NLGN1: variants seen among roughly 807,000 people sequenced by gnomAD.
The protein encoded by NLGN1 is neuroligin 1, also known as neuroligin-1.
A neutral mutation model predicts 65.5 loss-of-function variants in NLGN1; 12 were observed. The ratio of observed to expected loss-of-function variants is 0.18; its 90% CI spans 0.12 to 0.30. NLGN1 has a LOEUF of 0.30. Among genes scored for constraint, NLGN1 ranks in the 10% least tolerant of loss-of-function variants. The probability of loss-of-function intolerance (pLI) is 1.00; values close to 1 mark genes in which losing one functional copy is unlikely to be tolerated. For missense variants in NLGN1, 750 were observed against 1,007.1 expected, an observed-to-expected ratio of 0.74 and a Z score of 3.46; for synonymous variants, 350 against 359.5, an observed-to-expected ratio of 0.97 and a Z score of 0.30.
chr3:173,907,016 A>G (rs1274607111), intron 4 of NLGN1, among the ~76,000 whole-genome samples: 2 of 152,116 alleles, frequency 1.3e-5, no homozygotes, highest in East Asian at 1.9e-4. Context: ...GGGTTTGGGC[A>G]TTTTCCTGCA....
chr3:174,279,710 A>ATAAT lies in NLGN1; in HGVS notation c.1649+61_1649+64dup. ...AAAATGTTATTTTAACCATTTTAAA[A>ATAAT]TAATAGATATTTATGCCCAGATAAT... is the stretch of plus-strand genomic sequence containing the variant. On this transcript the variant is annotated intron_variant, in intron 6 of 6. Coordinates refer to ENST00000457714, the Ensembl canonical transcript of NLGN1. This position sits in a 1 kb window ranked among gnomAD's most constrained non-coding sequence, Gnocchi z 4.7. 9.9e-7 allele frequency: 1 copy of ATAAT among 1,011,620 alleles called. No individual in the cohort carries two copies. Among genetic ancestry groups the ATAAT allele is most frequent in the Admixed American group, 2.4e-5 (1 of 41,548 alleles). 62.7% of individuals were successfully genotyped at this position (1,011,620 alleles called of 1,614,324 possible). A position where few individuals can be genotyped will look rare whatever the true frequency, so the allele number is the denominator to read the frequency against.
rs1055222564 is a variant in NLGN1, at chr3:173,999,684, G to A, written c.646+191852G>A. Among the ~76,000 whole-genome samples, 8 of 152,218 alleles carry A rather than the reference G, an allele frequency of 5.3e-5. No individual in the cohort carries two copies. The East Asian group carries it at 1.5e-3, about 29-fold the overall frequency. ...TGCAGGAACAATTTGTAAGACAAAG[G>A]CATCAGTTTCCTTTCTAGTTATACC... On this transcript the variant is annotated intron_variant, in intron 4 of 6. Coordinates refer to ENST00000457714, the Ensembl canonical transcript of NLGN1.
intron 4 of NLGN1, among the ~76,000 whole-genome samples, chr3:173,970,212 T>C (rs1468518371): frequency 6.6e-6 from 1 of 152,168 alleles, no homozygotes; most frequent in African/African-American, 2.4e-5. Context: ...TCCTTGTTGC[T>C]AAAGACTAAC....
intron 4 of NLGN1, among the ~76,000 whole-genome samples, chr3:174,122,886 A>G (rs60817157): frequency 0.095 from 14,454 of 152,030 alleles, 720 homozygotes; most frequent in East Asian, 0.16. Flanking sequence ...TTTCAGCAGC[A>G]TGCTATTTGT....
chr3:174,068,762 C>G (rs1467466975), intron 4 of NLGN1, among the ~76,000 whole-genome samples: 1 of 152,086 alleles, frequency 6.6e-6, no homozygotes, highest in Non-Finnish European at 1.5e-5. Flanking sequence ...CAATAATCTT[C>G]TGCTTCATTT....
chr3:173,599,261 A>G (rs1750038403), intron 2 of NLGN1, among the ~76,000 whole-genome samples: 1 of 152,158 alleles, frequency 6.6e-6, no homozygotes, highest in Admixed American at 6.5e-5. Flanking sequence ...AAGGCGTCAA[A>G]CAGTTTATAT....
chr3:174,023,933 A>G (rs1490483254), intron 4 of NLGN1, among the ~76,000 whole-genome samples: 1 of 152,090 alleles, frequency 6.6e-6, no homozygotes, highest in Non-Finnish European at 1.5e-5. Flanking sequence ...TGTTCAGTGC[A>G]TCTCCCTACT....
intron 4 of NLGN1, among the ~76,000 whole-genome samples, chr3:174,009,580 C>G (rs1182507068): frequency 6.6e-6 from 1 of 152,150 alleles, no homozygotes; most frequent in Admixed American, 6.6e-5. Flanking sequence ...GAATCCTGGT[C>G]TCTTTGACTT....
intron 3 of NLGN1, among the ~76,000 whole-genome samples, chr3:173,685,092 C>T (rs192225769): frequency 3.3e-5 from 5 of 152,270 alleles, no homozygotes; most frequent in Admixed American, 6.5e-5. Flanking sequence ...CATTTAATGG[C>T]CTTTGTCTTT....
chr3:173,647,817 A>G (rs1408641501), intron 3 of NLGN1, among the ~76,000 whole-genome samples: 3 of 152,132 alleles, frequency 2.0e-5, no homozygotes, highest in South Asian at 4.1e-4. Context: ...AATATGAAAT[A>G]CATAGGGATG....
chr3:173,959,087 C>G (rs1356016731), intron 4 of NLGN1, among the ~76,000 whole-genome samples: 1 of 152,232 alleles, frequency 6.6e-6, no homozygotes, highest in Non-Finnish European at 1.5e-5. Flanking sequence ...GCAGAGATGC[C>G]TGGGTCTGCA....
intron 3 of NLGN1, among the ~76,000 whole-genome samples, chr3:173,611,068 TTAG>T (rs1355624097): frequency 6.6e-6 from 1 of 151,876 alleles, no homozygotes; most frequent in Non-Finnish European, 1.5e-5. Context: ...GGTAGAAAAA[TTAG>T]TATGTTGCTA....
chr3:173,939,966 A>G (rs1164447976), intron 4 of NLGN1, among the ~76,000 whole-genome samples: 1 of 152,050 alleles, frequency 6.6e-6, no homozygotes, highest in Non-Finnish European at 1.5e-5. Context: ...CACATTGTGT[A>G]TAATCCACTA....
chr3:173,454,521 A>C lies in NLGN1; in HGVS notation c.-321+19443A>C, dbSNP rs137905410. On this transcript the variant is annotated intron_variant, in intron 2 of 6. Coordinates refer to ENST00000457714, the Ensembl canonical transcript of NLGN1. ...TGATCTTAGCTAGATCTTCTGGATAAGTTGGTGGCAGCTTCTATGTCAGCA... is the reference window on the plus strand; with the variant it reads ...TGATCTTAGCTAGATCTTCTGGATACGTTGGTGGCAGCTTCTATGTCAGCA... Among the ~76,000 whole-genome samples, 537 of 152,312 alleles carry C rather than the reference A, an allele frequency of 3.5e-3. 2 individuals carry two copies. Among genetic ancestry groups the C allele is most frequent in the African/African-American group, 0.011 (478 of 41,572 alleles).
At chr3:173,545,970 G>A (rs1345111100) in intron 2 of NLGN1, among the ~76,000 whole-genome samples, 1 of 152,076 alleles carries the variant, frequency 6.6e-6, no homozygotes, top group Non-Finnish European at 1.5e-5. Flanking sequence ...GGAAGGGATA[G>A]CATTAGGAGA....
At chr3:174,147,591 GC>G (rs1370753239) in intron 4 of NLGN1, among the ~76,000 whole-genome samples, 5 of 151,402 alleles carry the variant, frequency 3.3e-5, no homozygotes, top group Non-Finnish European at 1.5e-5. Flanking sequence ...CTGCCACCAC[GC>G]CCGGCTAATT....
At chr3:174,020,464 A>AT (rs1292917217) in intron 4 of NLGN1, among the ~76,000 whole-genome samples, 1 of 151,954 alleles carries the variant, frequency 6.6e-6, no homozygotes, top group East Asian at 1.9e-4. Context: ...CTTACTTTAT[A>AT]TTTTTTCTCA....
At chr3:173,843,792 T>A (rs1474006440) in intron 4 of NLGN1, among the ~76,000 whole-genome samples, 1 of 152,126 alleles carries the variant, frequency 6.6e-6, no homozygotes, top group East Asian at 1.9e-4. Context: ...TCTTCTGAGC[T>A]CTCCAAACTG....
At chr3:174,074,815 G>C (rs1740570927) in intron 4 of NLGN1, among the ~76,000 whole-genome samples, 1 of 152,144 alleles carries the variant, frequency 6.6e-6, no homozygotes, top group Non-Finnish European at 1.5e-5. Flanking sequence ...GCTTTAAAAA[G>C]ACAAAAGTTA....
Sources: allele counts gnomAD v4.1 joint callset (sites outside exome capture counted in the v4.1 genomes callset), GRCh38; gene constraint gnomAD v4.1.1; non-coding constraint Gnocchi (gnomAD v3.1); transcripts MANE v1.5; gene names NCBI Gene and HGNC (gene_info 2026-07-23, HGNC 2026-07-21).